Variants in FYB2 observed in about 807,000 individuals in gnomAD.
FYB2 encodes FYN-binding protein 2.
In FYB2, 103 loss-of-function variants were observed where a neutral mutation model predicts 94.1. The observed-to-expected ratio is 1.09, with a 90% CI of 0.93 to 1.29. FYB2 has a LOEUF of 1.29. FYB2 is among the 50% of genes most tolerant of loss of function. The probability of loss-of-function intolerance (pLI) is 0.00; values close to 1 mark genes in which losing one functional copy is unlikely to be tolerated. For synonymous variants in FYB2, 293 were observed against 287.9 expected (o/e 1.02, Z -0.18); for missense variants, 896 against 841.5 (o/e 1.06, Z -0.80).
At chr1:56,789,470 G>A (rs553328107) in intron 2 of FYB2, among the ~76,000 whole-genome samples, 39 of 152,192 alleles carry the variant, frequency 2.6e-4, no homozygotes, top group Middle Eastern at 3.4e-3. Context: ...TCCATTCTCC[G>A]TATTTGATTT....
chr1:56,732,795 AC>A (rs990701330), intron 15 of FYB2, among the ~76,000 whole-genome samples: 6 of 151,170 alleles, frequency 4.0e-5, no homozygotes, highest in Admixed American at 1.3e-4. Context: ...ATAAAACTAG[AC>A]CCCCCCACCC....
upstream of FYB2, chr1:56,823,881 A>G (rs1647007562): frequency 6.6e-6 from 1 of 152,242 alleles, no homozygotes; most frequent in Admixed American, 6.5e-5. Context: ...GATCAAAGGA[A>G]CGCCATTCCT....
intron 1 of FYB2, among the ~76,000 whole-genome samples, chr1:56,794,054 C>A (rs1188030990): frequency 6.6e-6 from 1 of 152,162 alleles, no homozygotes; most frequent in African/African-American, 2.4e-5. Context: ...ACATAGTAGG[C>A]CCATGATAAA....
intron 1 of FYB2, among the ~76,000 whole-genome samples, chr1:56,799,372 G>C (rs1241577740): frequency 1.3e-5 from 2 of 152,022 alleles, no homozygotes; most frequent in African/African-American, 4.8e-5. Flanking sequence ...TTACTTTAGA[G>C]ATTATGTTAA....
At chr1:56,755,814 C>T (rs1645314926) in intron 7 of FYB2, 82 bp downstream of exon 7, 7 of 1,352,210 alleles carry the variant, frequency 5.2e-6, no homozygotes, top group Non-Finnish European at 7.4e-6. Context: ...GGAAACATAG[C>T]TGGCCCATAG....
intron 4 of FYB2, among the ~76,000 whole-genome samples, chr1:56,775,846 T>C (rs1227961993): frequency 6.6e-6 from 1 of 152,164 alleles, no homozygotes; most frequent in Non-Finnish European, 1.5e-5. Context: ...GAAAAGTATG[T>C]CTGCTAGTGG....
intron 8 of FYB2, among the ~76,000 whole-genome samples, chr1:56,751,852 G>A (rs559468962): frequency 6.6e-6 from 1 of 152,152 alleles, no homozygotes; most frequent in Admixed American, 6.6e-5. Context: ...GGTATAATGT[G>A]ATGAGTGTTA....
At chr1:56,801,507 T>G (rs1309634122) in intron 1 of FYB2, among the ~76,000 whole-genome samples, 5 of 152,182 alleles carry the variant, frequency 3.3e-5, no homozygotes, top group Non-Finnish European at 7.3e-5. Context: ...CTTCCAACAC[T>G]TTGGCCTCAT....
At chr1:56,777,239 CAAAAAAAAAA>C (rs1453236717) in intron 4 of FYB2, among the ~76,000 whole-genome samples, 2 of 4,798 alleles carry the variant, frequency 4.2e-4, no homozygotes, top group African/African-American at 5.4e-3. Context: ...GTCTCAAAAA[CAAAAAAAAAA>C]AAAAAAAAAA....
intron 1 of FYB2, among the ~76,000 whole-genome samples, chr1:56,811,490 T>C (rs979168757): frequency 3.9e-5 from 6 of 152,150 alleles, no homozygotes; most frequent in African/African-American, 1.4e-4. Flanking sequence ...TTCCAGAGAT[T>C]ACCTCCAGGC....
At chr1:56,801,029 T>A (rs1646507501) in intron 1 of FYB2, among the ~76,000 whole-genome samples, 1 of 152,160 alleles carries the variant, frequency 6.6e-6, no homozygotes, top group South Asian at 2.1e-4. Context: ...ACAAAGGGCC[T>A]TATTCCCCAC....
intron 7 of FYB2, among the ~76,000 whole-genome samples, chr1:56,754,297 CACCCTATTTG>C (rs1290628514): frequency 6.6e-6 from 1 of 151,984 alleles, no homozygotes; most frequent in East Asian, 1.9e-4. Context: ...TCAAACCCAC[CACCCTATTTG>C]AGCAACTCTC....
At chr1:56,762,680 G>A (rs1209631718) in intron 5 of FYB2, among the ~76,000 whole-genome samples, 2 of 152,158 alleles carry the variant, frequency 1.3e-5, no homozygotes, top group African/African-American at 2.4e-5. Flanking sequence ...TCATGCCACT[G>A]TGAATAGATA....
chr1:56,767,159 T>C (rs1314045559), intron 5 of FYB2, among the ~76,000 whole-genome samples: 1 of 152,224 alleles, frequency 6.6e-6, no homozygotes, highest in Non-Finnish European at 1.5e-5. Flanking sequence ...CTAGTGTTTA[T>C]TCCAGCACTA....
intron 1 of FYB2, 135 bp downstream of exon 1, chr1:56,819,147 G>A: frequency 9.1e-7 from 1 of 1,099,876 alleles, no homozygotes; most frequent in Non-Finnish European, 1.4e-6. Flanking sequence ...TGCACTGGCT[G>A]ACACCTGACA....
At chr1:56,742,320 C>T (rs886877027) in intron 11 of FYB2, 99 bp from the exon 12 acceptor site, 42 of 815,150 alleles carry the variant, frequency 5.2e-5, no homozygotes, top group Non-Finnish European at 7.0e-5. Flanking sequence ...ATGCTAGGTA[C>T]TTTGATCTTT....
chr1:56,791,932 G>A (rs940655074), intron 2 of FYB2, 124 bp downstream of exon 2: 32 of 1,340,830 alleles, frequency 2.4e-5, no homozygotes, highest in East Asian at 1.2e-4. Flanking sequence ...AGAATATCAC[G>A]TGGAGAGTCT....
chr1:56,730,350 GAA>G (rs1644679358), intron 15 of FYB2, among the ~76,000 whole-genome samples: 1 of 115,394 alleles, frequency 8.7e-6, no homozygotes, highest in Non-Finnish European at 1.7e-5. Flanking sequence ...GGGAAGGGGA[GAA>G]GGAAAGGTAA....
intron 1 of FYB2, among the ~76,000 whole-genome samples, chr1:56,816,221 G>T (rs1410108946): frequency 6.6e-6 from 1 of 152,204 alleles, no homozygotes; most frequent in Non-Finnish European, 1.5e-5. Flanking sequence ...CTGTTCCACA[G>T]GGTGTTGGTA....
Sources: gnomAD v4.1 joint callset for allele counts (sites outside exome capture counted in the v4.1 genomes callset) on GRCh38, gnomAD v4.1.1 for gene constraint, MANE v1.5 for transcripts, NCBI Gene and HGNC (gene_info 2026-07-23, HGNC 2026-07-21) for gene names.